The following KIAA1217 variants were observed in gnomAD, a reference collection of about 807,000 sequenced individuals.
KIAA1217 encodes sickle tail protein homolog.
A neutral mutation model predicts 163.9 loss-of-function variants in KIAA1217; 88 were observed. The observed-to-expected ratio is 0.54, with a 90% CI of 0.45 to 0.64. KIAA1217 has a LOEUF of 0.64. Ranked by LOEUF, KIAA1217 falls within the 30% of genes least tolerant of loss-of-function variation. The pLI is 0.00. For missense variants in KIAA1217, 2,372 were observed against 2,475.0 expected (o/e 0.96, Z 0.88); for synonymous variants, 903 against 923.1 (o/e 0.98, Z 0.39).
chr10:23,934,119 A>G (rs1843372368), intron 1 of KIAA1217, among the ~76,000 whole-genome samples: 1 of 152,202 alleles, frequency 6.6e-6, no homozygotes, highest in Admixed American at 6.5e-5. Context: ...TTACAATAGC[A>G]AAGACATGGA....
At chr10:23,830,347 T>C (rs1335812) in intron 1 of KIAA1217, among the ~76,000 whole-genome samples, 2,459 of 152,300 alleles carry the variant, frequency 0.016, 56 homozygotes, top group South Asian at 0.052. Flanking sequence ...GCATAATAAT[T>C]ACATGGCTGC....
At chr10:24,132,579 C>T (rs908017027) in intron 2 of KIAA1217, among the ~76,000 whole-genome samples, 2 of 151,642 alleles carry the variant, frequency 1.3e-5, no homozygotes, top group African/African-American at 4.8e-5. Context: ...TAGCTGTGCA[C>T]CGGGATGTTA....
intron 3 of KIAA1217, among the ~76,000 whole-genome samples, chr10:24,422,009 A>G (rs1308475882): frequency 6.6e-6 from 1 of 152,244 alleles, no homozygotes; most frequent in Non-Finnish European, 1.5e-5. Context: ...TCACAGTTCC[A>G]CATGGCTGGG....
At chr10:24,071,235 T>C (rs1383579666) in intron 2 of KIAA1217, among the ~76,000 whole-genome samples, 1 of 152,230 alleles carries the variant, frequency 6.6e-6, no homozygotes, top group African/African-American at 2.4e-5. Context: ...ATCAGTACTT[T>C]AGAAGTGAAC....
chr10:24,438,415 T>G lies in KIAA1217; in HGVS notation c.782T>G (p.Val261Gly), dbSNP rs1392484323. 2 of 1,613,378 alleles carry G rather than the reference T, an allele frequency of 1.2e-6. No homozygotes were observed. The highest frequency in any genetic ancestry group is 1.7e-6 in the Non-Finnish European group (2 of 1,179,298). The change falls in exon 5 of 21, where the codon GTG becomes GGG. Residue 261 changes from valine to glycine, a missense_variant. Val to Gly is a moderately radical substitution (Grantham distance 109, BLOSUM62 -3). Around this residue, in one of 3 missense-constraint regions of KIAA1217, gnomAD observed 1,431 missense variants for 1,470.3 expected, o/e 0.97. Transcript: ENST00000376454. ...RNIQDRSLLKVYNKDPAHAFN... is the reference protein window; with the variant it reads ...RNIQDRSLLKGYNKDPAHAFN... The stretch of plus-strand genomic sequence containing the variant: ...ATTCAAGACAGATCACTCCTCAAAG[T>G]GTACAACAAGGATCCTGCACATGCG...
chr10:24,228,783 C>A (rs1372754929), intron 2 of KIAA1217, among the ~76,000 whole-genome samples: 1 of 152,164 alleles, frequency 6.6e-6, no homozygotes, highest in East Asian at 1.9e-4. Flanking sequence ...GTTTCATCAG[C>A]TCTCCCAATG....
intron 2 of KIAA1217, among the ~76,000 whole-genome samples, chr10:24,155,601 A>G (rs2064837862): frequency 6.6e-6 from 1 of 152,112 alleles, no homozygotes; most frequent in Admixed American, 6.6e-5. Flanking sequence ...TGGGCGGATC[A>G]CCTGAGGTCA....
chr10:24,134,106 T>A (rs1159369610), intron 2 of KIAA1217, among the ~76,000 whole-genome samples: 1 of 152,178 alleles, frequency 6.6e-6, no homozygotes, highest in African/African-American at 2.4e-5. Context: ...TAGACGTCAT[T>A]TGCTTCTAGC....
chr10:24,269,881 A>G (rs1590402740), intron 2 of KIAA1217, among the ~76,000 whole-genome samples: 1 of 152,328 alleles, frequency 6.6e-6, no homozygotes, highest in Non-Finnish European at 1.5e-5. Flanking sequence ...GCCCCGTACT[A>G]TATACAATGC....
At chr10:24,334,439 G>A (rs76483394) in intron 2 of KIAA1217, among the ~76,000 whole-genome samples, 882 of 9,102 alleles carry the variant, frequency 0.097, 11 homozygotes, top group African/African-American at 0.16. Context: ...AGGGAAGGAT[G>A]GAAGGAAGGA....
At chr10:24,521,978 G>A in intron 12 of KIAA1217, 49 bp downstream of exon 12, 1 of 1,575,442 alleles carries the variant, frequency 6.3e-7, no homozygotes, top group Non-Finnish European at 8.6e-7. Context: ...GGGGTGCACT[G>A]GGAAACCGAG....
At chr10:24,413,689 A>T (rs2058003492) in intron 3 of KIAA1217, among the ~76,000 whole-genome samples, 1 of 152,156 alleles carries the variant, frequency 6.6e-6, no homozygotes, top group Admixed American at 6.5e-5. Flanking sequence ...CACATCCAGC[A>T]TACTTTTGTC....
chr10:24,138,148 T>A (rs2063906462), intron 2 of KIAA1217, among the ~76,000 whole-genome samples: 1 of 151,976 alleles, frequency 6.6e-6, no homozygotes, highest in African/African-American at 2.4e-5. Flanking sequence ...ATTTGGGAGG[T>A]TTTTGCTTTT....
chr10:23,821,858 C>T (rs778469159), intron 1 of KIAA1217, among the ~76,000 whole-genome samples: 4 of 152,132 alleles, frequency 2.6e-5, no homozygotes, highest in Admixed American at 6.5e-5. Flanking sequence ...CCAGCTCTTT[C>T]GGCCATCAGG....
intron 1 of KIAA1217, among the ~76,000 whole-genome samples, chr10:23,817,642 A>G (rs1317195592): frequency 6.6e-6 from 1 of 152,094 alleles, no homozygotes; most frequent in African/African-American, 2.4e-5. Flanking sequence ...AACAGATAGG[A>G]AATTGGAGGT....
rs541404874 is a variant in KIAA1217, at chr10:24,116,999, T to G, written c.-170-102627T>G. ...GCTCTGATGGGCAGGAGTATCCTTA[T>G]TCTTGGTGATAAGGAAGGAAATAAC... On this transcript the variant is annotated intron_variant, in intron 2 of 18. Transcript: ENST00000376462. Among the ~76,000 whole-genome samples, 92 of 152,296 alleles carry G rather than the reference T, an allele frequency of 6.0e-4. 1 individual carries two copies. The highest frequency in any genetic ancestry group is 2.1e-3 in the African/African-American group (87 of 41,574).
chr10:24,175,793 T>C (rs556230753), intron 2 of KIAA1217, among the ~76,000 whole-genome samples: 3 of 152,172 alleles, frequency 2.0e-5, no homozygotes, highest in East Asian at 1.9e-4. Context: ...GTTCTTAAGG[T>C]GGTGCATCTG....
At chr10:23,736,554 G>T (rs1367111409) in intron 1 of KIAA1217, among the ~76,000 whole-genome samples, 1 of 152,076 alleles carries the variant, frequency 6.6e-6, no homozygotes, top group African/African-American at 2.4e-5. Context: ...ATGGGGTCTC[G>T]CTTTGTCACC....
chr10:24,448,228 A>G (rs965921599), intron 5 of KIAA1217, among the ~76,000 whole-genome samples: 4 of 150,006 alleles, frequency 2.7e-5, no homozygotes, highest in Non-Finnish European at 5.9e-5. Flanking sequence ...ATACACAGTT[A>G]TCTAACCTTT....
Sources: gnomAD v4.1 joint callset for allele counts (sites outside exome capture counted in the v4.1 genomes callset) on GRCh38, gnomAD v4.1.1 for gene constraint, gnomAD v4.1.1 regional missense constraint, MANE v1.5 for transcripts, NCBI Gene and HGNC (gene_info 2026-07-23, HGNC 2026-07-21) for gene names.